Variants in TENM4 observed in about 807,000 individuals in gnomAD.
TENM4 encodes teneurin transmembrane protein 4.
Under a neutral mutation model 243.3 loss-of-function variants are expected in TENM4, and 82 were observed. That is an observed-to-expected ratio of 0.34 (90% CI 0.28 to 0.40). TENM4 has a LOEUF of 0.40. Ranked by LOEUF, TENM4 falls within the 10% of genes least tolerant of loss-of-function variation. The pLI, the probability that TENM4 is intolerant of heterozygous loss-of-function variation, is 1.00. For synonymous variants in TENM4, 1,412 were observed against 1,456.3 expected (o/e 0.97, Z 0.69); for missense variants, 3,138 against 3,673.3 (o/e 0.85, Z 3.77).
chr11:79,144,324 GA>G (rs1420848885), intron 4 of TENM4, among the ~76,000 whole-genome samples: 1 of 151,898 alleles, frequency 6.6e-6, no homozygotes, highest in Non-Finnish European at 1.5e-5. Context: ...AGGAGGTGGA[GA>G]AAAGGGAGTG....
chr11:79,104,202 A>G (rs925330285), intron 4 of TENM4, among the ~76,000 whole-genome samples: 1 of 152,138 alleles, frequency 6.6e-6, no homozygotes, highest in African/African-American at 2.4e-5. Flanking sequence ...TTAATTGTCT[A>G]ATTATTTATT....
intron 2 of TENM4, among the ~76,000 whole-genome samples, chr11:79,239,171 A>G (rs138415518): frequency 1.4e-3 from 206 of 152,318 alleles, no homozygotes; most frequent in African/African-American, 4.7e-3. Flanking sequence ...GCCACATTTT[A>G]TGTTTCCTCT....
intron 4 of TENM4, among the ~76,000 whole-genome samples, chr11:79,109,010 C>T (rs1861440514): frequency 6.6e-6 from 1 of 152,148 alleles, no homozygotes; most frequent in African/African-American, 2.4e-5. Context: ...TGGGATAATT[C>T]CATCTCCTCG....
intron 3 of TENM4, among the ~76,000 whole-genome samples, chr11:79,179,976 C>A (rs141347126): frequency 4.0e-5 from 6 of 151,612 alleles, no homozygotes; most frequent in Admixed American, 3.9e-4. Context: ...AGTGAGAAAA[C>A]GGTAGCTTTG....
chr11:79,103,965 C>T (rs1423804949), intron 4 of TENM4, among the ~76,000 whole-genome samples: 2 of 152,088 alleles, frequency 1.3e-5, no homozygotes, highest in African/African-American at 2.4e-5. Flanking sequence ...TGTAATGGCA[C>T]CTAATTCTCT....
intron 1 of TENM4, among the ~76,000 whole-genome samples, chr11:79,412,860 C>G (rs568481184): frequency 6.6e-6 from 1 of 152,304 alleles, no homozygotes; most frequent in East Asian, 1.9e-4. Flanking sequence ...ATTCCATGAG[C>G]ATCTTCTTTG....
At chr11:79,198,439 GT>G in intron 3 of TENM4, among the ~76,000 whole-genome samples, 1 of 152,232 alleles carries the variant, frequency 6.6e-6, no homozygotes, top group Non-Finnish European at 1.5e-5. Context: ...CTAATGAGCA[GT>G]CAGCCAGGTT....
chr11:78,857,778 C>A (rs1470765228), intron 10 of TENM4, among the ~76,000 whole-genome samples: 1 of 152,212 alleles, frequency 6.6e-6, no homozygotes, highest in Non-Finnish European at 1.5e-5. Context: ...AAAGACAGAA[C>A]CCAAATTCAC....
At chr11:79,255,272 G>A (rs1226640453) in intron 2 of TENM4, among the ~76,000 whole-genome samples, 1 of 152,218 alleles carries the variant, frequency 6.6e-6, no homozygotes, top group Non-Finnish European at 1.5e-5. Context: ...CACCCAGCAT[G>A]GTGCCCAGTG....
chr11:79,289,122 C>T (rs1284706528), intron 2 of TENM4, among the ~76,000 whole-genome samples: 3 of 152,128 alleles, frequency 2.0e-5, no homozygotes, highest in Admixed American at 6.5e-5. Flanking sequence ...GTTTCCTACA[C>T]GTGTAGAGGG....
intron 1 of TENM4, among the ~76,000 whole-genome samples, chr11:79,410,334 C>A (rs1436152325): frequency 1.3e-5 from 2 of 152,176 alleles, no homozygotes; most frequent in Non-Finnish European, 2.9e-5. Context: ...TCCATCATAC[C>A]ACACTGTTTA....
intron 3 of TENM4, among the ~76,000 whole-genome samples, chr11:79,151,822 T>C (rs1404394929): frequency 6.6e-6 from 1 of 152,116 alleles, no homozygotes. Flanking sequence ...TAGATAATAG[T>C]GCATTTCAAA....
At chr11:79,173,098 T>A (rs1863083270) in intron 3 of TENM4, among the ~76,000 whole-genome samples, 1 of 152,246 alleles carries the variant, frequency 6.6e-6, no homozygotes, top group Admixed American at 6.5e-5. Context: ...TAAACTTATT[T>A]TGGCCCTAAC....
At chr11:79,286,677 A>AT (rs1484601799) in intron 2 of TENM4, among the ~76,000 whole-genome samples, 9 of 152,090 alleles carry the variant, frequency 5.9e-5, no homozygotes, top group African/African-American at 1.9e-4. Flanking sequence ...CTCAAAAAAA[A>AT]AATTTTTTTT....
intron 4 of TENM4, among the ~76,000 whole-genome samples, chr11:79,121,487 G>A (rs1861744471): frequency 6.6e-6 from 1 of 152,190 alleles, no homozygotes; most frequent in South Asian, 2.1e-4. Flanking sequence ...TGGGTTCCCA[G>A]CCAAGTAGCT....
At chr11:79,374,186 T>C (rs1044864298) in intron 1 of TENM4, among the ~76,000 whole-genome samples, 1 of 152,068 alleles carries the variant, frequency 6.6e-6, no homozygotes, top group Non-Finnish European at 1.5e-5. Flanking sequence ...AGATCAATCT[T>C]CCCATGCTAT....
At chr11:79,096,883 A>C (rs1861089965) in intron 4 of TENM4, 1 of 152,194 alleles carries the variant, frequency 6.6e-6, no homozygotes, top group Non-Finnish European at 1.5e-5. Context: ...ACTTATTTGG[A>C]AGACCAATCC....
Position 78,669,628 on chromosome 11 carries a change from A to G in TENM4, c.6717T>C (p.Tyr2239=), listed in dbSNP as rs541603640. The part of the protein sequence containing the change: ...GNSARLTPLR[Y]DIRDRITRLG... The stretch of plus-strand genomic sequence containing the variant: ...GCCGAGTGATGCGGTCGCGGATGTC[A>G]TACCGTAGTGGTGTGAGCCGTGCAC... Residue 2239 remains tyrosine (Y), a synonymous_variant, in exon 32 of 34, where the codon TAT becomes TAC. Transcript: ENST00000278550. This position sits in a 1 kb window ranked among gnomAD's most constrained non-coding sequence, Gnocchi z 6.4. 80 of 1,614,000 alleles carry G rather than the reference A, an allele frequency of 5.0e-5. 1 individual carries two copies. In the South Asian group the frequency reaches 8.7e-4, roughly 17 times the overall value.
chr11:78,913,624 TGTGTGA>T (rs1321493927), intron 6 of TENM4, among the ~76,000 whole-genome samples: 271 of 131,608 alleles, frequency 2.1e-3, no homozygotes, highest in African/African-American at 7.4e-3. Flanking sequence ...TGTGTGTGTG[TGTGTGA>T]GTGTCGGGGG....
Sources: allele counts gnomAD v4.1 joint callset (sites outside exome capture counted in the v4.1 genomes callset), GRCh38; gene constraint gnomAD v4.1.1; non-coding constraint Gnocchi (gnomAD v3.1); transcripts MANE v1.5; gene names NCBI Gene and HGNC (gene_info 2026-07-23, HGNC 2026-07-21).